OGDH: variants seen among roughly 807,000 people sequenced by gnomAD.
The protein encoded by OGDH is 2-oxoglutarate dehydrogenase complex component E1.
A neutral mutation model predicts 116.6 loss-of-function variants in OGDH; 38 were observed. The observed-to-expected ratio is 0.33, with a 90% CI of 0.25 to 0.43. OGDH has a LOEUF of 0.43. OGDH is among the 20% of genes least tolerant of loss of function. The pLI is 1.00. For synonymous variants in OGDH, 488 were observed against 533.3 expected (o/e 0.92, Z 1.17); for missense variants, 825 against 1,357.2 (o/e 0.61, Z 6.16).
Position 44,670,874 on chromosome 7 carries a change from G to A in OGDH, c.634-2913G>A, listed in dbSNP as rs144311935. 4.9e-3 allele frequency among the ~76,000 whole-genome samples: 743 copies of A among 152,002 alleles called. 6 individuals are homozygous for A. Among genetic ancestry groups the A allele is most frequent in the African/African-American group, 0.017 (724 of 41,466 alleles). ...AAATAGAAGAAAATTAGCTGGGCGT[G>A]GTGGCGGGCACCTGTAGTCCCAACT... is the stretch of plus-strand genomic sequence containing the variant. On this transcript the variant is annotated intron_variant, in intron 5 of 22. Transcript: ENST00000222673.
rs771348184 is a variant in OGDH, at chr7:44,707,653, C to T, written c.2868C>T (p.Cys956=). 3.1e-6 allele frequency: 5 copies of T among 1,614,204 alleles called. No homozygotes were observed. In the East Asian group the frequency reaches 8.9e-5, roughly 29 times the overall value. The change falls in exon 22 of 23, where the codon TGC becomes TGT. Residue 956 remains cysteine (C), a synonymous_variant. Coordinates refer to ENST00000222673, the MANE Select transcript of OGDH (RefSeq NM_002541.4). The surrounding 1 kb of genome is among the most constrained non-coding windows in gnomAD (Gnocchi z 5.2). The part of the protein sequence containing the change: ...QKYPNAELAW[C]QEEHKNQGYY... ...ACCCCAATGCTGAGCTGGCCTGGTG[C>T]CAGGAGGAGCACAAGAACCAAGGCT...
chr7:44,675,347 G>T, intron 8 of OGDH, 79 bp downstream of exon 8: 1 of 1,137,466 alleles, frequency 8.8e-7, no homozygotes, highest in South Asian at 1.3e-5. Flanking sequence ...TTCTTAGAAT[G>T]ACTTACGGGG....
In OGDH at chr7:44,698,173, C is replaced by T; in HGVS notation, c.2359-19C>T. 6.2e-7 allele frequency: 1 copy of T among 1,614,128 alleles called. No homozygotes were observed. The highest frequency in any genetic ancestry group is 8.5e-7 in the Non-Finnish European group (1 of 1,179,970). ...GTACGCAAGAGCTCTTAAACTGTAA[C>T]TTGCGTGTGTGGTTCCAGGGTCCAG... On this transcript the variant is annotated intron_variant, in intron 17 of 22. Coordinates refer to ENST00000222673, the MANE Select transcript of OGDH (RefSeq NM_002541.4).
chr7:44,660,796 C>T (rs149974291), intron 4 of OGDH, among the ~76,000 whole-genome samples: 10 of 152,206 alleles, frequency 6.6e-5, no homozygotes, highest in Non-Finnish European at 1.2e-4. Flanking sequence ...AGCATGATCG[C>T]GCGTGCCTGT....
chr7:44,697,076 G>T lies in OGDH; in HGVS notation c.2051+12G>T, dbSNP rs776593491. 22 of 1,606,692 alleles carry T rather than the reference G, an allele frequency of 1.4e-5. No individual in the cohort carries two copies. Among genetic ancestry groups the T allele is most frequent in the Non-Finnish European group, 1.9e-5 (22 of 1,173,860 alleles). On this transcript the variant is annotated intron_variant, in intron 15 of 22. Transcript: ENST00000222673. This position sits in a 1 kb window ranked among gnomAD's most constrained non-coding sequence, Gnocchi z 6.0. Reference sequence around the variant, plus strand: ...CGGGGCACATTCAGGTAACGTTCTGGGCAGTTTTGTTTGCCCTCCAAAGAG... The same window carrying T: ...CGGGGCACATTCAGGTAACGTTCTGTGCAGTTTTGTTTGCCCTCCAAAGAG...
At chr7:44,696,281 C>G in intron 13 of OGDH, 148 bp from the exon 14 acceptor site, 2 of 1,117,890 alleles carry the variant, frequency 1.8e-6, no homozygotes, top group Non-Finnish European at 2.6e-6. Context: ...ACCCTGGACC[C>G]AGACCCCTGC....
chr7:44,636,546 A>G (rs554338295), intron 2 of OGDH, among the ~76,000 whole-genome samples: 2 of 152,362 alleles, frequency 1.3e-5, no homozygotes, highest in East Asian at 3.9e-4. Context: ...CTCCCTCAGA[A>G]AGGAGGCTGA....
At chr7:44,648,541 A>G (rs1406498390) in intron 4 of OGDH, among the ~76,000 whole-genome samples, 6 of 152,214 alleles carry the variant, frequency 3.9e-5, no homozygotes, top group Non-Finnish European at 8.8e-5. Flanking sequence ...GGTGTTCACA[A>G]TAGACACTGT....
intron 2 of OGDH, among the ~76,000 whole-genome samples, chr7:44,627,337 A>G (rs1185358990): frequency 6.6e-6 from 1 of 152,240 alleles, no homozygotes; most frequent in African/African-American, 2.4e-5. Flanking sequence ...ACTTCTGTCC[A>G]AATTTCAAAG....
intron 5 of OGDH, among the ~76,000 whole-genome samples, chr7:44,673,274 C>A (rs954812722): frequency 2.0e-5 from 3 of 152,078 alleles, no homozygotes; most frequent in Non-Finnish European, 4.4e-5. Flanking sequence ...GCTCTGATAG[C>A]GCTACTGCAC....
At chr7:44,678,247 G>A (rs1408050720) in intron 9 of OGDH, among the ~76,000 whole-genome samples, 1 of 152,158 alleles carries the variant, frequency 6.6e-6, no homozygotes, top group Non-Finnish European at 1.5e-5. Flanking sequence ...GGGGAGATCA[G>A]CATTGTGATG....
Position 44,674,006 on chromosome 7 carries a change from G to C in OGDH, c.788+65G>C. 6 of 1,595,978 alleles carry C rather than the reference G, an allele frequency of 3.8e-6. No individual in the cohort carries two copies. In the South Asian group the frequency reaches 6.7e-5, roughly 18 times the overall value. ...GGGAAGCAGTGACCCTGTCTGTGTT[G>C]ATCGGGCCTGTGTGCAGCCTGTTGG... On this transcript the variant is annotated intron_variant, in intron 6 of 22. Transcript: ENST00000222673.
chr7:44,704,554 C>G (rs1489754921), intron 20 of OGDH, among the ~76,000 whole-genome samples: 1 of 151,882 alleles, frequency 6.6e-6, no homozygotes, highest in Admixed American at 6.6e-5. Flanking sequence ...AATCTGGTTG[C>G]TTGTTTTTGA....
chr7:44,637,340 G>A (rs1785715367), intron 2 of OGDH, among the ~76,000 whole-genome samples: 1 of 152,094 alleles, frequency 6.6e-6, no homozygotes, highest in South Asian at 2.1e-4. Flanking sequence ...CTTACTCTTC[G>A]TTTCTCAGCA....
intron 20 of OGDH, among the ~76,000 whole-genome samples, chr7:44,704,900 A>G (rs1788995904): frequency 6.6e-6 from 1 of 151,022 alleles, no homozygotes; most frequent in African/African-American, 2.4e-5. Context: ...TAGTATAGAC[A>G]GGGTTCCACC....
In OGDH at chr7:44,700,126, C is replaced by G; in HGVS notation, c.2431-15C>G. 6.2e-7 allele frequency: 1 copy of G among 1,613,904 alleles called. No individual in the cohort carries two copies. ...GCTGTGTCCTGGCCTCTGGCCATTT[C>G]CTTCCCTGCTGCAGGACCTTAAAGA... On this transcript the variant is annotated splice_polypyrimidine_tract_variant and intron_variant, in intron 18 of 22. Transcript: ENST00000222673.
At position 44,697,642 on chromosome 7, in the gene OGDH, C is replaced by T; in HGVS notation, c.2218C>T (p.Leu740=). The stretch of plus-strand genomic sequence containing the variant: ...CTTCGCCATGGCCAGTCCTAATGCC[C>T]TGGTCCTCTGGGAAGCCCAATTTGG... ...LGFAMASPNA[L]VLWEAQFGDF... is the part of the protein sequence containing the mutation. The change falls in exon 17 of 23, where the codon CTG becomes TTG. Residue 740 remains leucine, a synonymous_variant. Transcript: ENST00000222673. This position sits in a 1 kb window ranked among gnomAD's most constrained non-coding sequence, Gnocchi z 6.0. 1 of 1,614,254 alleles carries T rather than the reference C, an allele frequency of 6.2e-7. No homozygotes were observed. Among genetic ancestry groups the T allele is most frequent in the Non-Finnish European group, 8.5e-7 (1 of 1,180,040 alleles).
rs765985481 is a variant in OGDH at position 44,631,117 on chromosome 7, GA to G, written c.222+6560del. Among the ~76,000 whole-genome samples the G allele has an allele frequency of 1.3e-3, 198 of 151,882 alleles. 1 individual carries two copies. Among genetic ancestry groups the G allele is most frequent in the African/African-American group, 4.6e-3 (191 of 41,426 alleles). ...TCCCTGGTTTAGAGAATAATAACAG[GA>G]AAAAAAAGTGTACATGTTCAGTACA... is the stretch of plus-strand genomic sequence containing the variant. On this transcript the variant is annotated intron_variant, in intron 2 of 22. Coordinates refer to ENST00000222673, the MANE Select transcript of OGDH (RefSeq NM_002541.4).
chr7:44,628,890 G>T (rs1339777619), intron 2 of OGDH, among the ~76,000 whole-genome samples: 3 of 152,114 alleles, frequency 2.0e-5, no homozygotes, highest in Non-Finnish European at 4.4e-5. Context: ...TTAACTAGCT[G>T]ACCTGGGTCT....
Sources: gnomAD v4.1 joint callset for allele counts (sites outside exome capture counted in the v4.1 genomes callset) on GRCh38, gnomAD v4.1.1 for gene constraint, Gnocchi (gnomAD v3.1) non-coding constraint, MANE v1.5 for transcripts, NCBI Gene and HGNC (gene_info 2026-07-23, HGNC 2026-07-21) for gene names.